The following FSTL4 variants were observed in gnomAD, a reference collection of about 807,000 sequenced individuals.
The protein encoded by FSTL4 is follistatin like 4.
FSTL4 carries 28 observed loss-of-function variants against 78.2 expected under a neutral mutation model. The observed-to-expected ratio is 0.36, with a 90% CI of 0.27 to 0.49. The LOEUF (loss-of-function observed/expected upper bound fraction) is 0.49. FSTL4 is among the 20% of genes least tolerant of loss of function. FSTL4 has a pLI of 0.98. For synonymous variants in FSTL4, 422 were observed against 440.5 expected, an observed-to-expected ratio of 0.96 and a Z score of 0.53; for missense variants, 922 against 1,084.9, an observed-to-expected ratio of 0.85 and a Z score of 2.11.
the FSTL4 span, among the ~76,000 whole-genome samples, chr5:133,620,564 G>A: frequency 2.0e-5 from 3 of 152,022 alleles, no homozygotes; most frequent in African/African-American, 7.2e-5. Context: ...TATGTTTCTA[G>A]TCTTTAAACA....
the FSTL4 span, among the ~76,000 whole-genome samples, chr5:133,619,564 T>A: frequency 6.6e-6 from 1 of 152,212 alleles, no homozygotes; most frequent in Non-Finnish European, 1.5e-5. Flanking sequence ...TGTACATTAT[T>A]TGCCAAGAAC....
At chr5:133,731,828 A>C in the FSTL4 span, among the ~76,000 whole-genome samples, 1 of 152,126 alleles carries the variant, frequency 6.6e-6, no homozygotes, top group Non-Finnish European at 1.5e-5. Context: ...CTTTCCTTTC[A>C]ATCTGGTCAG....
the FSTL4 span, among the ~76,000 whole-genome samples, chr5:133,731,752 T>TC: frequency 6.6e-6 from 1 of 151,860 alleles, no homozygotes; most frequent in South Asian, 2.1e-4. Flanking sequence ...TCACAGAGCA[T>TC]CCCCCAAGGT....
chr5:133,690,019 C>A, the FSTL4 span, among the ~76,000 whole-genome samples: 4 of 152,122 alleles, frequency 2.6e-5, no homozygotes, highest in Non-Finnish European at 5.9e-5. Flanking sequence ...CCAGATCACA[C>A]CATTGTACTC....
chr5:133,450,131 C>T (rs2127009828), intron 3 of FSTL4, among the ~76,000 whole-genome samples: 1 of 152,326 alleles, frequency 6.6e-6, no homozygotes, highest in South Asian at 2.1e-4. Flanking sequence ...GGTTCCTCAC[C>T]AAACACAAAT....
chr5:133,285,856 A>C (rs2126863609), intron 6 of FSTL4, among the ~76,000 whole-genome samples: 1 of 152,362 alleles, frequency 6.6e-6, no homozygotes, highest in South Asian at 2.1e-4. Context: ...GGCCACGCCC[A>C]GGCATAGACT....
intron 3 of FSTL4, among the ~76,000 whole-genome samples, chr5:133,414,009 T>G (rs1252738874): frequency 2.6e-5 from 4 of 152,196 alleles, no homozygotes; most frequent in African/African-American, 9.6e-5. Flanking sequence ...TTACATGGCA[T>G]TCTCCTTTTG....
At position 133,199,300 on chromosome 5, in the gene FSTL4, T is replaced by G. The variant is rs1486197196; in HGVS notation, c.2324A>C (p.Lys775Thr). 6.2e-7 allele frequency: 1 copy of G among 1,614,120 alleles called. No homozygotes were observed. Among genetic ancestry groups the G allele is most frequent in the Non-Finnish European group, 8.5e-7 (1 of 1,179,968 alleles). Residue 775 changes from lysine (K) to threonine (T), a missense_variant, in exon 16 of 16, where the codon AAG (lysine) becomes ACG (threonine). Physicochemically the swap from Lys to Thr is moderately conservative, Grantham distance 78. Coordinates refer to ENST00000265342, the MANE Select transcript of FSTL4 (RefSeq NM_015082.2). This position sits in a 1 kb window ranked among gnomAD's most constrained non-coding sequence, Gnocchi z 4.4. ...CCCTGCGGGTGGCTCCTTTAAGTTC[T>G]TCAGCATGCCCACCTTCCCCGTGGA... is the stretch of plus-strand genomic sequence containing the variant. ...ELSTGKVGML[K>T]NLKEPPAGPA...
chr5:133,781,685 C>A, the FSTL4 span, among the ~76,000 whole-genome samples: 2 of 152,198 alleles, frequency 1.3e-5, no homozygotes, highest in Non-Finnish European at 2.9e-5. Context: ...CCCTGCTCAA[C>A]AATCTGGCTT....
At chr5:133,419,845 T>C (rs1756656689) in intron 3 of FSTL4, among the ~76,000 whole-genome samples, 1 of 152,244 alleles carries the variant, frequency 6.6e-6, no homozygotes, top group South Asian at 2.1e-4. Context: ...TTTCAATCTG[T>C]ATTTCCTAAT....
chr5:133,312,751 A>G lies in FSTL4; in HGVS notation c.630T>C (p.Asp210=). 1 of 1,614,118 alleles carries G rather than the reference A, an allele frequency of 6.2e-7. No individual in the cohort carries two copies. Among genetic ancestry groups the G allele is most frequent in the Non-Finnish European group, 8.5e-7 (1 of 1,179,900 alleles). The change falls in exon 6 of 16, where the codon GAT becomes GAC. Residue 210 remains aspartate, a synonymous_variant. Transcript: ENST00000265342. ...CTGGTGAGCAACCAAGTAAGTCTTC[A>G]TCCAGGTCCTGCTTCTTCAGCACAT... ...AQHVLKKQDL[D]EDLLGCSPGD...
rs369434837 is a variant in FSTL4, at chr5:133,222,197, C to G, written c.1340-1331G>C. Reference sequence around the variant, plus strand: ...GCAGGAGGGCTCCTGCCACCAGAAGCAGCTGGAACCCAGCCTCTCAGAAGC... The same window carrying G: ...GCAGGAGGGCTCCTGCCACCAGAAGGAGCTGGAACCCAGCCTCTCAGAAGC... On this transcript the variant is annotated intron_variant, in intron 11 of 15. Transcript: ENST00000265342. Among the ~76,000 whole-genome samples, 102 of 152,220 alleles carry G rather than the reference C, an allele frequency of 6.7e-4. 1 individual carries two copies. Among genetic ancestry groups the G allele is most frequent in the African/African-American group, 2.3e-3 (97 of 41,558 alleles).
chr5:133,221,735 G>T (rs1751111972), intron 11 of FSTL4, among the ~76,000 whole-genome samples: 1 of 151,948 alleles, frequency 6.6e-6, no homozygotes, highest in South Asian at 2.1e-4. Context: ...GTAAGCTCTA[G>T]AGTGCTCCTT....
chr5:133,485,103 G>T lies in FSTL4; in HGVS notation c.160+82083C>A, dbSNP rs138540134. Among the ~76,000 whole-genome samples the T allele has an allele frequency of 1.2e-3, 189 of 152,336 alleles. 1 individual carries two copies. The highest frequency in any genetic ancestry group is 6.8e-3 in the Middle Eastern group (2 of 294). On this transcript the variant is annotated intron_variant, in intron 3 of 15. Coordinates refer to ENST00000265342, the MANE Select transcript of FSTL4 (RefSeq NM_015082.2). Reference sequence around the variant, plus strand: ...TAACCATAAATTTTGGTTTAAAAATGAAATGTGTCTGCCCCAGGTAGTGCC... The same window carrying T: ...TAACCATAAATTTTGGTTTAAAAATTAAATGTGTCTGCCCCAGGTAGTGCC...
At chr5:133,502,874 G>A (rs921635424) in intron 3 of FSTL4, among the ~76,000 whole-genome samples, 7 of 152,166 alleles carry the variant, frequency 4.6e-5, no homozygotes, top group African/African-American at 1.4e-4. Flanking sequence ...AAGGATCTCA[G>A]TTCTACTCTC....
the FSTL4 span, among the ~76,000 whole-genome samples, chr5:133,675,716 T>C: frequency 6.6e-6 from 1 of 152,214 alleles, no homozygotes; most frequent in Non-Finnish European, 1.5e-5. Context: ...TTGTAAAATA[T>C]GTCCTTGTGA....
chr5:133,721,644 C>A, the FSTL4 span, among the ~76,000 whole-genome samples: 1 of 152,108 alleles, frequency 6.6e-6, no homozygotes, highest in African/African-American at 2.4e-5. Flanking sequence ...AAGAAATATA[C>A]TGATAGTTTA....
At chr5:133,480,206 TCCA>T (rs935757632) in intron 3 of FSTL4, among the ~76,000 whole-genome samples, 15 of 152,174 alleles carry the variant, frequency 9.9e-5, no homozygotes, top group Admixed American at 3.3e-4. Context: ...AAATCTCAGC[TCCA>T]CCACTAACTG....
the FSTL4 span, among the ~76,000 whole-genome samples, chr5:133,813,513 G>A: frequency 6.6e-6 from 1 of 152,184 alleles, no homozygotes; most frequent in African/African-American, 2.4e-5. Flanking sequence ...AAATAACCAA[G>A]CTTCACACAT....
Sources: gnomAD v4.1 joint callset for allele counts (sites outside exome capture counted in the v4.1 genomes callset) on GRCh38, gnomAD v4.1.1 for gene constraint, Gnocchi (gnomAD v3.1) non-coding constraint, MANE v1.5 for transcripts, NCBI Gene and HGNC (gene_info 2026-07-23, HGNC 2026-07-21) for gene names.